Variants in CAMK1D observed in about 807,000 individuals in gnomAD.
The protein encoded by CAMK1D is calcium/calmodulin-dependent protein kinase type 1D.
CAMK1D carries 9 observed loss-of-function variants against 47.7 expected under a neutral mutation model. The observed-to-expected ratio is 0.19, with a 90% confidence interval of 0.11 to 0.33. CAMK1D has a LOEUF of 0.33. Among genes scored for constraint, CAMK1D ranks in the 10% least tolerant of loss-of-function variants. The pLI, the probability that CAMK1D is intolerant of heterozygous loss-of-function variation, is 1.00. For missense variants in CAMK1D, 291 were observed against 488.7 expected (o/e 0.60, Z 3.81); for synonymous variants, 184 against 184.9 (o/e 0.99, Z 0.04).
chr10:12,678,143 C>T (rs914922172), intron 3 of CAMK1D, among the ~76,000 whole-genome samples: 5 of 152,102 alleles, frequency 3.3e-5, no homozygotes, highest in Non-Finnish European at 5.9e-5. Flanking sequence ...GCATTTATAG[C>T]TATAAATTTT....
intron 1 of CAMK1D, among the ~76,000 whole-genome samples, chr10:12,469,547 C>T (rs1833688416): frequency 6.6e-6 from 1 of 152,130 alleles, no homozygotes; most frequent in Non-Finnish European, 1.5e-5. Context: ...CCCACCTTCC[C>T]CAGGAATGAC....
At chr10:12,629,928 A>G (rs1249286198) in intron 2 of CAMK1D, among the ~76,000 whole-genome samples, 1 of 152,210 alleles carries the variant, frequency 6.6e-6, no homozygotes, top group Non-Finnish European at 1.5e-5. Context: ...AGTTCAGTCC[A>G]GTGATGTATA....
chr10:12,696,430 A>G (rs1486646750), intron 3 of CAMK1D, among the ~76,000 whole-genome samples: 1 of 151,926 alleles, frequency 6.6e-6, no homozygotes, highest in Non-Finnish European at 1.5e-5. Context: ...CCAGCTACTC[A>G]GGAGCCTGAG....
chr10:12,752,945 G>C (rs1011395129), intron 3 of CAMK1D, among the ~76,000 whole-genome samples: 2 of 152,168 alleles, frequency 1.3e-5, no homozygotes, highest in Non-Finnish European at 2.9e-5. Context: ...ATCGGAAAAA[G>C]TATAATTGAA....
At chr10:12,694,071 A>AT (rs1833070965) in intron 3 of CAMK1D, among the ~76,000 whole-genome samples, 2 of 61,148 alleles carry the variant, frequency 3.3e-5, no homozygotes, top group African/African-American at 1.3e-4. Flanking sequence ...TATAATATAT[A>AT]AAAAATATTA....
At position 12,812,676 on chromosome 10, in the gene CAMK1D, C is replaced by T. The variant is rs2493753; in HGVS notation, c.642-1519C>T. Among the ~76,000 whole-genome samples the T allele has an allele frequency of 2.1e-3, 326 of 152,240 alleles. 1 individual carries two copies. The highest frequency in any genetic ancestry group is 7.5e-3 in the African/African-American group (310 of 41,538). On this transcript the variant is annotated intron_variant, in intron 6 of 10. Coordinates refer to ENST00000619168, the MANE Select transcript of CAMK1D (RefSeq NM_153498.4). ...CTGCCACCCTCTGGGTTGTCGCAGC[C>T]CGAGAAGCAAGTTCTGCACCACGCT...
Position 12,647,145 on chromosome 10 carries a change from C to CTTTTTT in CAMK1D, c.225-19574_225-19569dup, listed in dbSNP as rs397693477. 4.1e-3 allele frequency among the ~76,000 whole-genome samples: 316 copies of CTTTTTT among 76,812 alleles called. 13 individuals carry two copies. The highest frequency in any genetic ancestry group is 9.7e-3 in the South Asian group (15 of 1,548). The allele number at this position is 76,812 out of a possible 152,430, so 50.4% of individuals were successfully genotyped here. A position where few individuals can be genotyped will look rare whatever the true frequency, so the allele number is the denominator to read the frequency against. Reference sequence around the variant, plus strand: ...CGTGAGCCTCCTTGCCCAGGCTAGCCTTTTTTTTTTTTTTTTTTTTTTGAA... The same window carrying CTTTTTT: ...CGTGAGCCTCCTTGCCCAGGCTAGCCTTTTTTTTTTTTTTTTTTTTTTTTTTTTGAA... On this transcript the variant is annotated intron_variant, in intron 2 of 10. Coordinates refer to ENST00000619168, the MANE Select transcript of CAMK1D (RefSeq NM_153498.4).
chr10:12,614,547 G>GTATTCCTCCATACTCCATCC (rs1838723910), intron 2 of CAMK1D, among the ~76,000 whole-genome samples: 1 of 152,200 alleles, frequency 6.6e-6, no homozygotes, highest in African/African-American at 2.4e-5. Flanking sequence ...AGAAATATGT[G>GTATTCCTCCATACTCCATCC]CTCCATACTT....
At chr10:12,825,903 G>A (rs1833190700) in intron 10 of CAMK1D, 1 of 668,632 alleles carries the variant, frequency 1.5e-6, no homozygotes, top group African/African-American at 1.8e-5. Context: ...TTGGGAGGCT[G>A]AGGCAGGAGG....
In CAMK1D at chr10:12,351,686, G is replaced by A. The variant is rs79161120; in HGVS notation, c.92+1776G>A. Among the ~76,000 whole-genome samples the A allele has an allele frequency of 8.3e-3, 1,265 of 152,340 alleles. 17 individuals are homozygous for A. Among genetic ancestry groups the A allele is most frequent in the African/African-American group, 0.028 (1,181 of 41,582 alleles). ...AGGCTCCAAGCTGTGGCTCCTGCTGGAGCATGGTGTTTGGAGATGACTGTG... is the reference window on the plus strand; with the variant it reads ...AGGCTCCAAGCTGTGGCTCCTGCTGAAGCATGGTGTTTGGAGATGACTGTG... On this transcript the variant is annotated intron_variant, in intron 1 of 10. Coordinates refer to ENST00000619168, the MANE Select transcript of CAMK1D (RefSeq NM_153498.4).
chr10:12,506,596 G>T (rs1834880201), intron 1 of CAMK1D, among the ~76,000 whole-genome samples: 1 of 151,902 alleles, frequency 6.6e-6, no homozygotes, highest in African/African-American at 2.4e-5. Context: ...TCAGCTCACT[G>T]CAGTCTCCGC....
At chr10:12,418,038 G>A (rs1839914165) in intron 1 of CAMK1D, among the ~76,000 whole-genome samples, 1 of 152,158 alleles carries the variant, frequency 6.6e-6, no homozygotes, top group South Asian at 2.1e-4. Context: ...CTGACCTCAA[G>A]GCCTCAAGAG....
At chr10:12,447,405 T>A (rs1417899660) in intron 1 of CAMK1D, among the ~76,000 whole-genome samples, 1 of 152,172 alleles carries the variant, frequency 6.6e-6, no homozygotes, top group Non-Finnish European at 1.5e-5. Flanking sequence ...TTTTTTAAAA[T>A]GTTTAAATTT....
chr10:12,411,248 C>T (rs28392833), intron 1 of CAMK1D, among the ~76,000 whole-genome samples: 23,995 of 152,112 alleles, frequency 0.16, 2,136 homozygotes, highest in East Asian at 0.2. Context: ...TGGCAGAATG[C>T]GGAGATTCTG....
intron 3 of CAMK1D, among the ~76,000 whole-genome samples, chr10:12,755,448 G>T (rs1453156884): frequency 6.6e-6 from 1 of 152,354 alleles, no homozygotes; most frequent in African/African-American, 2.4e-5. Context: ...TGTGAATAGT[G>T]CTGCAGTAAA....
At chr10:12,386,456 A>C (rs11257758) in intron 1 of CAMK1D, among the ~76,000 whole-genome samples, 29,650 of 151,054 alleles carry the variant, frequency 0.2, 3,593 homozygotes, top group Middle Eastern at 0.3. Context: ...AAAAAACAAA[A>C]CCAAAAACCC....
intron 3 of CAMK1D, among the ~76,000 whole-genome samples, chr10:12,733,330 T>C (rs1020310978): frequency 1.1e-4 from 17 of 152,146 alleles, no homozygotes; most frequent in African/African-American, 4.1e-4. Context: ...AAGGAGAGAA[T>C]AGTAATATTT....
Position 12,430,278 on chromosome 10 carries a change from A to G in CAMK1D, c.92+80368A>G, listed in dbSNP as rs763931786. On this transcript the variant is annotated intron_variant, in intron 1 of 10. Transcript: ENST00000619168. ...ATTGCTCAGCAAAGCGCTGTGGTCA[A>G]TAATTCCCAAATGAACACGATCCGC... Among the ~76,000 whole-genome samples, 26 of 152,162 alleles carry G rather than the reference A, an allele frequency of 1.7e-4. 1 individual carries two copies. Among genetic ancestry groups the G allele is most frequent in the Admixed American group, 1.6e-3 (24 of 15,274 alleles).
intron 1 of CAMK1D, among the ~76,000 whole-genome samples, chr10:12,459,971 G>C (rs948404418): frequency 6.6e-6 from 1 of 152,144 alleles, no homozygotes; most frequent in Non-Finnish European, 1.5e-5. Context: ...TGCGAGTCTG[G>C]GCTTTTCCTG....
Sources: gnomAD v4.1 joint callset for allele counts (sites outside exome capture counted in the v4.1 genomes callset) on GRCh38, gnomAD v4.1.1 for gene constraint, MANE v1.5 for transcripts, NCBI Gene and HGNC (gene_info 2026-07-23, HGNC 2026-07-21) for gene names.